MYO3B: variants seen among roughly 807,000 people sequenced by gnomAD.
The protein encoded by MYO3B is myosin-IIIb.
In MYO3B, 156 loss-of-function variants were observed where a neutral mutation model predicts 174.6. That is an observed-to-expected ratio of 0.89 (90% CI 0.78 to 1.02). The LOEUF (loss-of-function observed/expected upper bound fraction) is 1.02. Ranked by LOEUF, MYO3B falls within the 50% of genes least tolerant of loss-of-function variation. The pLI, the probability that MYO3B is intolerant of heterozygous loss-of-function variation, is 0.00. For synonymous variants in MYO3B, 563 were observed against 569.1 expected (o/e 0.99, Z 0.15); for missense variants, 1,632 against 1,639.4 (o/e 1.00, Z 0.08).
Position 170,610,629 on chromosome 2 carries a change from A to T in MYO3B, c.3734-40999A>T, listed in dbSNP as rs573086434. Among the ~76,000 whole-genome samples the T allele has an allele frequency of 1.6e-4, 24 of 152,238 alleles. No homozygotes were observed. The South Asian group carries it at 5.0e-3, about 32-fold the overall frequency. ...TAAATAACTTCCTACTTCCCACTAC[A>T]TCCTGCTTGATGGAATGTATCTGTG... On this transcript the variant is annotated intron_variant, in intron 32 of 34. Coordinates refer to ENST00000408978, the MANE Select transcript of MYO3B (RefSeq NM_138995.5).
chr2:170,299,164 C>G (rs1022956685), intron 7 of MYO3B, among the ~76,000 whole-genome samples: 3 of 152,126 alleles, frequency 2.0e-5, no homozygotes, highest in African/African-American at 7.2e-5. Flanking sequence ...TTTCATTTAT[C>G]TATTGCTTCC....
At chr2:170,633,420 G>A (rs951039223) in intron 32 of MYO3B, among the ~76,000 whole-genome samples, 6 of 152,130 alleles carry the variant, frequency 3.9e-5, no homozygotes, top group Non-Finnish European at 7.4e-5. Flanking sequence ...TAATTCAACA[G>A]CGCTTCATGC....
intron 6 of MYO3B, among the ~76,000 whole-genome samples, chr2:170,228,960 C>CAAAAAA (rs539746576): frequency 8.1e-5 from 8 of 98,308 alleles, no homozygotes; most frequent in African/African-American, 1.7e-4. Flanking sequence ...ATTCCCTTTA[C>CAAAAAA]AAAAAAAAAA....
intron 7 of MYO3B, among the ~76,000 whole-genome samples, chr2:170,278,977 A>G (rs1175414211): frequency 6.6e-6 from 1 of 152,188 alleles, no homozygotes. Context: ...TTATGGCAGA[A>G]TAATATTCCA....
chr2:170,434,989 A>G (rs116653698), intron 22 of MYO3B, among the ~76,000 whole-genome samples: 1,661 of 152,358 alleles, frequency 0.011, 36 homozygotes, highest in African/African-American at 0.038. Flanking sequence ...ATGTTTGTAT[A>G]CAACTATGTA....
intron 6 of MYO3B, among the ~76,000 whole-genome samples, 181 bp from the exon 7 acceptor site, chr2:170,235,810 G>A (rs1457381253): frequency 3.3e-5 from 5 of 152,172 alleles, no homozygotes; most frequent in East Asian, 3.8e-4. Flanking sequence ...GCTAATGAAC[G>A]TATAAGATAA....
At chr2:170,539,243 T>C (rs986618144) in intron 30 of MYO3B, among the ~76,000 whole-genome samples, 1 of 152,260 alleles carries the variant, frequency 6.6e-6, no homozygotes, top group African/African-American at 2.4e-5. Context: ...ATTTAGCTGC[T>C]TGCTTCCTGT....
At chr2:170,466,923 C>A (rs947170566) in intron 25 of MYO3B, among the ~76,000 whole-genome samples, 1 of 152,170 alleles carries the variant, frequency 6.6e-6, no homozygotes, top group African/African-American at 2.4e-5. Flanking sequence ...CTTCTGATCA[C>A]ATTATTTTAA....
intron 32 of MYO3B, among the ~76,000 whole-genome samples, chr2:170,547,342 A>G (rs1036790684): frequency 6.9e-6 from 1 of 145,666 alleles, no homozygotes; most frequent in African/African-American, 2.4e-5. Context: ...AAAAAAAAAA[A>G]AAGAAGTGTC....
At chr2:170,598,798 A>G (rs1164039080) in intron 32 of MYO3B, among the ~76,000 whole-genome samples, 2 of 152,224 alleles carry the variant, frequency 1.3e-5, no homozygotes, top group African/African-American at 4.8e-5. Context: ...TAAAATGGTA[A>G]TAACAGTACA....
chr2:170,446,928 A>G (rs1228576195), intron 23 of MYO3B, among the ~76,000 whole-genome samples: 1 of 152,232 alleles, frequency 6.6e-6, no homozygotes, highest in Non-Finnish European at 1.5e-5. Context: ...ACAAAAGGGT[A>G]TGATTTAATG....
At chr2:170,502,990 C>A (rs887981147) in intron 28 of MYO3B, among the ~76,000 whole-genome samples, 1 of 152,182 alleles carries the variant, frequency 6.6e-6, no homozygotes, top group Non-Finnish European at 1.5e-5. Flanking sequence ...CTAAGCTCTA[C>A]AACTTCAAAG....
chr2:170,447,149 G>A (rs1397505738), intron 23 of MYO3B, among the ~76,000 whole-genome samples: 1 of 152,172 alleles, frequency 6.6e-6, no homozygotes, highest in African/African-American at 2.4e-5. Context: ...GAAGGTGAGA[G>A]TGGCCTTCCT....
At chr2:170,406,826 A>T (rs1288312002) in intron 21 of MYO3B, among the ~76,000 whole-genome samples, 1 of 152,182 alleles carries the variant, frequency 6.6e-6, no homozygotes, top group Non-Finnish European at 1.5e-5. Context: ...GGTGTTCCTT[A>T]AAATTTATCT....
At chr2:170,407,174 T>G (rs2094515116) in intron 21 of MYO3B, among the ~76,000 whole-genome samples, 1 of 152,140 alleles carries the variant, frequency 6.6e-6, no homozygotes, top group Non-Finnish European at 1.5e-5. Context: ...AAAAAGCAAC[T>G]AGACAGGCCA....
At chr2:170,198,471 A>AG (rs1346848933) in intron 1 of MYO3B, among the ~76,000 whole-genome samples, 1 of 152,182 alleles carries the variant, frequency 6.6e-6, no homozygotes, top group African/African-American at 2.4e-5. Flanking sequence ...TTCAGGAGGA[A>AG]GGAACAAGAA....
intron 22 of MYO3B, among the ~76,000 whole-genome samples, chr2:170,421,095 T>G (rs2094611516): frequency 6.6e-6 from 1 of 152,182 alleles, no homozygotes; most frequent in Non-Finnish European, 1.5e-5. Context: ...AGAGTCTTTC[T>G]GTCCAGATAG....
Position 170,244,816 on chromosome 2 carries a change from C to T in MYO3B, c.749+8680C>T, listed in dbSNP as rs967685976. On this transcript the variant is annotated intron_variant, in intron 7 of 34. Transcript: ENST00000408978. The stretch of plus-strand genomic sequence containing the variant: ...AATTTGAGACTGGTATGAATGGGGA[C>T]TATTTTAGACATAATATATTTGTAT... 1.5e-4 allele frequency among the ~76,000 whole-genome samples: 23 copies of T among 152,090 alleles called. 1 individual carries two copies. The highest frequency in any genetic ancestry group is 1.5e-5 in the Non-Finnish European group (1 of 68,016).
chr2:170,282,866 C>T (rs916529595), intron 7 of MYO3B, among the ~76,000 whole-genome samples: 10 of 152,116 alleles, frequency 6.6e-5, no homozygotes, highest in Admixed American at 5.2e-4. Flanking sequence ...CTCAGGCAGG[C>T]AGGTTTGAGG....
Sources: gnomAD v4.1 joint callset for allele counts (sites outside exome capture counted in the v4.1 genomes callset) on GRCh38, gnomAD v4.1.1 for gene constraint, MANE v1.5 for transcripts, NCBI Gene and HGNC (gene_info 2026-07-23, HGNC 2026-07-21) for gene names.